EDARADD: variants seen among roughly 807,000 people sequenced by gnomAD.
The protein encoded by EDARADD is ectodysplasin-A receptor-associated adapter protein.
EDARADD carries 20 observed loss-of-function variants against 25.6 expected under a neutral mutation model. The observed-to-expected ratio is 0.78, with a 90% CI of 0.55 to 1.14. EDARADD has a LOEUF of 1.14. Ranked by LOEUF, EDARADD falls within the 50% of genes most tolerant of loss-of-function variation. The probability of loss-of-function intolerance (pLI) is 0.00; values close to 1 mark genes in which losing one functional copy is unlikely to be tolerated. For missense variants in EDARADD, 225 were observed against 270.1 expected, an observed-to-expected ratio of 0.83 and a Z score of 1.17; for synonymous variants, 86 against 94.4, an observed-to-expected ratio of 0.91 and a Z score of 0.52.
At chr1:236,374,363 T>G (rs759807980) in intron 3 of EDARADD, among the ~76,000 whole-genome samples, 7 of 149,326 alleles carry the variant, frequency 4.7e-5, no homozygotes, top group Non-Finnish European at 7.4e-5. Context: ...GACATGAATC[T>G]CCTGGGCTCA....
chr1:236,428,871 T>C (rs35861774), intron 4 of EDARADD, among the ~76,000 whole-genome samples: 67,277 of 150,692 alleles, frequency 0.45, 17,282 homozygotes, highest in Non-Finnish European at 0.59. Flanking sequence ...AGCGAGACTC[T>C]GTCTGCAATC....
chr1:236,455,327 C>G (rs1658830953), intron 4 of EDARADD, among the ~76,000 whole-genome samples: 2 of 152,150 alleles, frequency 1.3e-5, no homozygotes, highest in Non-Finnish European at 2.9e-5. Context: ...TCATTACATA[C>G]AGTATGATAA....
In EDARADD at chr1:236,382,523, AT is replaced by A. The variant is rs1667313000; in HGVS notation, c.-5-26691del. On this transcript the variant is annotated intron_variant, in intron 3 of 7. Transcript: ENST00000439430. ...TCTGCTTCCTGCAAGTCTGGTAATC[AT>A]TGTATTCCAGATGTTATGAATTCAC... Among the ~76,000 whole-genome samples, 3 of 152,246 alleles carry A rather than the reference AT, an allele frequency of 2.0e-5. No homozygotes were observed. In the South Asian group the frequency reaches 6.2e-4, roughly 32 times the overall value.
chr1:236,440,282 G>A (rs1658365313), intron 4 of EDARADD, among the ~76,000 whole-genome samples: 1 of 152,138 alleles, frequency 6.6e-6, no homozygotes, highest in African/African-American at 2.4e-5. Flanking sequence ...TTTCCAGTAA[G>A]TCTTAAAGTT....
rs1418310239 is a variant in EDARADD, at chr1:236,405,881, CTTTCT to C, written c.62-3332_62-3328del. Among the ~76,000 whole-genome samples, 256 of 34,308 alleles carry C rather than the reference CTTTCT, an allele frequency of 7.5e-3. 2 individuals are homozygous for C. Among genetic ancestry groups the C allele is most frequent in the African/African-American group, 0.022 (234 of 10,608 alleles). The allele number at this position is 34,308 out of a possible 152,430, so 22.5% of individuals were successfully genotyped here. On this transcript the variant is annotated intron_variant, in intron 1 of 5. Coordinates refer to ENST00000334232, the MANE Select transcript of EDARADD (RefSeq NM_145861.4). Reference sequence around the variant, plus strand: ...TCCTTCCTTCCTTCCTTCCTTCTTTCTTTCTTTCTTTCTTTCTTTCTTTCTTTCTT... The same window carrying C: ...TCCTTCCTTCCTTCCTTCCTTCTTTCTTCTTTCTTTCTTTCTTTCTTTCTT...
At chr1:236,416,400 A>AT (rs547773353) in intron 3 of EDARADD, among the ~76,000 whole-genome samples, 72 of 152,340 alleles carry the variant, frequency 4.7e-4, no homozygotes, top group African/African-American at 1.7e-3. Context: ...CTAGCATTGA[A>AT]TGTCGTGGTG....
intron 3 of EDARADD, among the ~76,000 whole-genome samples, chr1:236,363,142 A>G (rs1317742173): frequency 6.8e-6 from 1 of 147,696 alleles, no homozygotes; most frequent in African/African-American, 2.5e-5. Context: ...TGCTGGGATT[A>G]CAGGCATGAA....
At chr1:236,441,282 TTA>T (rs924802143) in intron 4 of EDARADD, among the ~76,000 whole-genome samples, 2 of 144,346 alleles carry the variant, frequency 1.4e-5, no homozygotes, top group South Asian at 4.2e-4. Context: ...TATATATATA[TTA>T]TATATATATA....
intron 1 of EDARADD, among the ~76,000 whole-genome samples, chr1:236,405,581 G>A (rs1022149841): frequency 3.9e-5 from 6 of 152,154 alleles, no homozygotes; most frequent in Non-Finnish European, 5.9e-5. Flanking sequence ...ACTTGTTTAA[G>A]GCCAGACTGC....
rs1553262383 is a variant in EDARADD, at chr1:236,365,149, C to CTT, written c.-6+14319_-6+14320dup. Among the ~76,000 whole-genome samples, 947 of 150,214 alleles carry CTT rather than the reference C, an allele frequency of 6.3e-3. 8 individuals are homozygous for CTT. The highest frequency in any genetic ancestry group is 0.021 in the African/African-American group (867 of 40,968). Reference sequence around the variant, plus strand: ...GAGGTGATCACATAGGTTTTCTTTTCTTTTTTTTTTCTTTCTCTCTCTCTC... The same window carrying CTT: ...GAGGTGATCACATAGGTTTTCTTTTCTTTTTTTTTTTTCTTTCTCTCTCTCTC... On this transcript the variant is annotated intron_variant, in intron 3 of 7. Transcript: ENST00000439430.
At chr1:236,472,457 T>G (rs1357681694) in intron 5 of EDARADD, among the ~76,000 whole-genome samples, 1 of 152,048 alleles carries the variant, frequency 6.6e-6, no homozygotes, top group Non-Finnish European at 1.5e-5. Context: ...TAAATTTCCC[T>G]GGGGGTTTGG....
At chr1:236,356,730 T>C (rs541864182) in intron 3 of EDARADD, among the ~76,000 whole-genome samples, 59 of 148,694 alleles carry the variant, frequency 4.0e-4, no homozygotes, top group Non-Finnish European at 6.5e-4. Flanking sequence ...ACCGTGTACT[T>C]ACAGCCCCTT....
chr1:236,466,984 G>A (rs1029540986), intron 4 of EDARADD, among the ~76,000 whole-genome samples: 10 of 151,908 alleles, frequency 6.6e-5, no homozygotes, highest in Non-Finnish European at 5.9e-5. Context: ...GGAGAATGGC[G>A]TGAACCCAGG....
chr1:236,473,909 T>C (rs1401545225), intron 5 of EDARADD, among the ~76,000 whole-genome samples: 5 of 152,106 alleles, frequency 3.3e-5, no homozygotes, highest in Non-Finnish European at 7.4e-5. Context: ...GCTGGGACTA[T>C]AGGCGTGCAC....
chr1:236,385,089 CTTTT>C (rs34509027), intron 3 of EDARADD, among the ~76,000 whole-genome samples: 5 of 121,976 alleles, frequency 4.1e-5, no homozygotes, highest in East Asian at 2.3e-4. Context: ...CCTTTTGATT[CTTTT>C]TTTTTTTTTT....
At chr1:236,369,059 G>T (rs953143358) in intron 3 of EDARADD, among the ~76,000 whole-genome samples, 1 of 152,164 alleles carries the variant, frequency 6.6e-6, no homozygotes, top group Non-Finnish European at 1.5e-5. Flanking sequence ...CTCCCAAAGT[G>T]CTGGGATTAC....
intron 4 of EDARADD, among the ~76,000 whole-genome samples, chr1:236,467,423 C>CGT (rs1491320168): frequency 1.1e-5 from 1 of 88,204 alleles, no homozygotes; most frequent in Non-Finnish European, 2.0e-5. Flanking sequence ...AGCACACACA[C>CGT]GCGCACACAC....
intron 4 of EDARADD, among the ~76,000 whole-genome samples, chr1:236,459,611 CTTT>C (rs397860471): frequency 0.16 from 15,600 of 100,050 alleles, 763 homozygotes; most frequent in South Asian, 0.18. Context: ...TTATTTAGCT[CTTT>C]TTTTTTTTTT....
In EDARADD at chr1:236,442,798, T is replaced by C. The variant is rs372360682; in HGVS notation, c.219+15348T>C. The stretch of plus-strand genomic sequence containing the variant: ...GGTCACCCAAGAGCTTTGATGGAGA[T>C]GTACAAGGAAATTAATGTTGTTTTC... On this transcript the variant is annotated intron_variant, in intron 4 of 5. Transcript: ENST00000334232. 1.0e-3 allele frequency among the ~76,000 whole-genome samples: 158 copies of C among 152,342 alleles called. 2 individuals carry two copies. The highest frequency in any genetic ancestry group is 3.6e-3 in the African/African-American group (148 of 41,588).
Sources: allele counts gnomAD v4.1 joint callset (sites outside exome capture counted in the v4.1 genomes callset), GRCh38; gene constraint gnomAD v4.1.1; transcripts MANE v1.5; gene names NCBI Gene and HGNC (gene_info 2026-07-23, HGNC 2026-07-21).